The following SIDT1 variants were observed in gnomAD, a reference collection of about 807,000 sequenced individuals.
The protein encoded by SIDT1 is SID1 transmembrane family, member 1.
A neutral mutation model predicts 107.5 loss-of-function variants in SIDT1; 101 were observed. The observed-to-expected ratio is 0.94, with a 90% confidence interval of 0.80 to 1.11. SIDT1 has a LOEUF of 1.11. SIDT1 is among the 50% of genes least tolerant of loss of function. The pLI is 0.00. For missense variants in SIDT1, 1,076 were observed against 1,058.2 expected (o/e 1.02, Z -0.23); for synonymous variants, 395 against 398.2 (o/e 0.99, Z 0.10).
intron 1 of SIDT1, among the ~76,000 whole-genome samples, chr3:113,553,649 C>T (rs984157966): frequency 1.3e-5 from 2 of 152,186 alleles, no homozygotes; most frequent in African/African-American, 4.8e-5. Flanking sequence ...AAGATGAGCA[C>T]ATTCAGATAC....
chr3:113,549,632 A>G (rs775745115), intron 1 of SIDT1, among the ~76,000 whole-genome samples: 4 of 152,062 alleles, frequency 2.6e-5, no homozygotes, highest in Non-Finnish European at 4.4e-5. Flanking sequence ...TTCTTTGTAG[A>G]TTTTGGATAC....
chr3:113,555,066 T>TA (rs1940695122), intron 1 of SIDT1, among the ~76,000 whole-genome samples: 1 of 152,242 alleles, frequency 6.6e-6, no homozygotes, highest in Non-Finnish European at 1.5e-5. Context: ...TCTTTGGGGT[T>TA]ATAATAGCCC....
intron 20 of SIDT1, among the ~76,000 whole-genome samples, chr3:113,618,629 AT>A (rs1176357356): frequency 6.6e-6 from 1 of 152,166 alleles, no homozygotes; most frequent in Non-Finnish European, 1.5e-5. Context: ...AGGTGAATTA[AT>A]TTTTTTAATG....
intron 21 of SIDT1, among the ~76,000 whole-genome samples, chr3:113,620,103 C>T (rs1008999131): frequency 6.6e-6 from 1 of 151,876 alleles, no homozygotes; most frequent in African/African-American, 2.4e-5. Context: ...TGATTGCAAA[C>T]ATCCAACATA....
rs375225965 is a variant in SIDT1 at position 113,581,365 on chromosome 3, C to T, written c.668C>T (p.Pro223Leu). The change falls in exon 6 of 25, where the codon CCG (proline) becomes CTG (leucine). Residue 223 changes from proline (P) to leucine (L), a missense_variant. By Grantham distance (98) the Pro-to-Leu change is moderately conservative. Coordinates refer to ENST00000264852, the MANE Select transcript of SIDT1 (RefSeq NM_017699.3). ...TATTCCTCATGCATGCTGCAGTGCC[C>T]GGTGTATGATCTCGACCACAATGTG... Reference protein sequence around the residue: ...SVVSVQNIMCPVYDLDHNVEF... With the variant: ...SVVSVQNIMCLVYDLDHNVEF... 24 of 1,613,446 alleles carry T rather than the reference C, an allele frequency of 1.5e-5. No homozygotes were observed. Among genetic ancestry groups the T allele is most frequent in the East Asian group, 6.7e-5 (3 of 44,874 alleles).
At position 113,555,872 on chromosome 3, in the gene SIDT1, G is replaced by A. The variant is rs1283856674; in HGVS notation, c.223-10548G>A. Among the ~76,000 whole-genome samples, 7 of 148,228 alleles carry A rather than the reference G, an allele frequency of 4.7e-5. No individual in the cohort carries two copies. In the East Asian group the frequency reaches 5.9e-4, roughly 12 times the overall value. ...ATCTTTTTTTTTTTTTTTTTTGCCC[G>A]GGGTGATTGGGCTTATAAGTGTGTC... On this transcript the variant is annotated intron_variant, in intron 1 of 24. Coordinates refer to ENST00000264852, the MANE Select transcript of SIDT1 (RefSeq NM_017699.3).
intron 6 of SIDT1, among the ~76,000 whole-genome samples, chr3:113,582,790 AT>A (rs1257898574): frequency 6.6e-6 from 1 of 152,218 alleles, no homozygotes; most frequent in Non-Finnish European, 1.5e-5. Context: ...AATAAAAAAA[AT>A]AAATAAATAA....
chr3:113,561,997 T>C (rs1325883651), intron 1 of SIDT1, among the ~76,000 whole-genome samples: 1 of 152,206 alleles, frequency 6.6e-6, no homozygotes, highest in Non-Finnish European at 1.5e-5. Context: ...TGCTATATAA[T>C]GCTGGTGAGT....
At chr3:113,611,881 CT>C (rs1227772729) in intron 18 of SIDT1, among the ~76,000 whole-genome samples, 8 of 150,844 alleles carry the variant, frequency 5.3e-5, no homozygotes, top group Admixed American at 2.0e-4. Flanking sequence ...CTCCTATTTC[CT>C]TTTTCCATTT....
chr3:113,567,765 C>A (rs1942056656), intron 3 of SIDT1, 55 bp downstream of exon 3: 2 of 1,537,708 alleles, frequency 1.3e-6, no homozygotes, highest in South Asian at 2.3e-5. Flanking sequence ...TGTGGATGCT[C>A]AATTCATCTT....
chr3:113,623,810 T>A, intron 23 of SIDT1, 77 bp downstream of exon 23: 1 of 933,072 alleles, frequency 1.1e-6, no homozygotes, highest in Non-Finnish European at 1.7e-6. Flanking sequence ...CTCCCTCTCT[T>A]AATGTGTTTT....
At chr3:113,619,652 A>T in intron 20 of SIDT1, 28 bp from the exon 21 acceptor site, 2 of 1,610,298 alleles carry the variant, frequency 1.2e-6, no homozygotes, top group South Asian at 1.1e-5. Flanking sequence ...GCAGCCTCTC[A>T]TTTGATGTTT....
chr3:113,577,039 T>A (rs1312077712), intron 4 of SIDT1, 72 bp downstream of exon 4: 1 of 1,430,094 alleles, frequency 7.0e-7, no homozygotes, highest in Non-Finnish European at 9.9e-7. Flanking sequence ...TGAAACCATG[T>A]TACCCTGGTA....
intron 21 of SIDT1, among the ~76,000 whole-genome samples, chr3:113,621,881 A>T (rs894484949): frequency 1.5e-4 from 23 of 152,226 alleles, no homozygotes; most frequent in African/African-American, 5.5e-4. Flanking sequence ...CCAATACAGT[A>T]ACTATTAGCA....
intron 18 of SIDT1, 36 bp from the exon 19 acceptor site, chr3:113,612,050 A>G: frequency 6.7e-7 from 1 of 1,483,704 alleles, no homozygotes; most frequent in Non-Finnish European, 9.4e-7. Context: ...TCTAGGGAAA[A>G]CCTCAGATGA....
At chr3:113,542,543 A>G (rs6782784) in intron 1 of SIDT1, among the ~76,000 whole-genome samples, 19,922 of 152,118 alleles carry the variant, frequency 0.13, 1,811 homozygotes, top group African/African-American at 0.25. Context: ...CTTGTTCACC[A>G]TTTGAAATAA....
At chr3:113,617,644 A>G (rs955806646) in intron 20 of SIDT1, among the ~76,000 whole-genome samples, 4 of 152,272 alleles carry the variant, frequency 2.6e-5, no homozygotes, top group African/African-American at 7.2e-5. Context: ...GAAAAAGTCC[A>G]TCAGGACTTG....
rs144143080 is a variant in SIDT1 at position 113,548,391 on chromosome 3, A to G, written c.222+15148A>G. 7.9e-5 allele frequency among the ~76,000 whole-genome samples: 12 copies of G among 151,930 alleles called. 1 individual carries two copies. The highest frequency in any genetic ancestry group is 7.9e-4 in the Admixed American group (12 of 15,270). ...TCTGTGTTCCATTAATTCATCCTTT[A>G]TTCTCTTCTCTTGAACCCCTGGCAA... On this transcript the variant is annotated intron_variant, in intron 1 of 24. Transcript: ENST00000264852.
chr3:113,565,629 T>C (rs1190604044), intron 1 of SIDT1, among the ~76,000 whole-genome samples: 2 of 152,206 alleles, frequency 1.3e-5, no homozygotes, highest in Non-Finnish European at 2.9e-5. Flanking sequence ...AGGGTTAAAT[T>C]ATTGGGTTGA....
Sources: allele counts gnomAD v4.1 joint callset (sites outside exome capture counted in the v4.1 genomes callset), GRCh38; gene constraint gnomAD v4.1.1; transcripts MANE v1.5; gene names NCBI Gene and HGNC (gene_info 2026-07-23, HGNC 2026-07-21).